Variants in RTN2 observed in about 807,000 individuals in gnomAD.
The protein encoded by RTN2 is reticulon 2.
A neutral mutation model predicts 63.7 loss-of-function variants in RTN2; 36 were observed. That is an observed-to-expected ratio of 0.56 (90% CI 0.43 to 0.75). The LOEUF (loss-of-function observed/expected upper bound fraction) is 0.75. RTN2 is among the 30% of genes least tolerant of loss of function. The pLI, the probability that RTN2 is intolerant of heterozygous loss-of-function variation, is 0.00. For synonymous variants in RTN2, 312 were observed against 313.0 expected (o/e 1.00, Z 0.03); for missense variants, 673 against 705.1 (o/e 0.95, Z 0.52).
At chr19:45,487,231 A>G (rs1017268362) in intron 9 of RTN2, among the ~76,000 whole-genome samples, 1 of 151,288 alleles carries the variant, frequency 6.6e-6, no homozygotes, top group Non-Finnish European at 1.5e-5. Flanking sequence ...TTTTGTAGAG[A>G]TGGGGGTCTT....
chr19:45,485,878 G>T, intron 10 of RTN2, 89 bp from the exon 11 acceptor site: 2 of 1,271,798 alleles, frequency 1.6e-6, no homozygotes, highest in African/African-American at 1.5e-5. Flanking sequence ...GTGGGAAACT[G>T]ACCAAGAGCC....
In RTN2 at chr19:45,485,424, T is replaced by G. The variant is rs890095914; in HGVS notation, c.*284A>C. ...GCCTCACGGCGCCTCCAGCGGCGGG[T>G]CCGGAAGTGCAGGGTGGTGCCCTGT... On this transcript the variant is annotated 3_prime_UTR_variant, in exon 11 of 11. Transcript: ENST00000245923. 82 of 403,546 alleles carry G rather than the reference T, an allele frequency of 2.0e-4. No homozygotes were observed. Among genetic ancestry groups the G allele is most frequent in the Middle Eastern group, 6.7e-4 (1 of 1,502 alleles). The allele number at this position is 403,546 out of a possible 1,614,324, so 25.0% of individuals were successfully genotyped here.
In RTN2 at chr19:45,493,169, C is replaced by T. The variant is rs1326280271; in HGVS notation, c.1024G>A (p.Gly342Arg). 6.2e-7 allele frequency: 1 copy of T among 1,611,926 alleles called. No homozygotes were observed. Among genetic ancestry groups the T allele is most frequent in the East Asian group, 2.2e-5 (1 of 44,876 alleles). ...VPSLSLGADM[G>R]SKVADLLYWK... ...CGTTCCGCAAGCCCACCTTTACTCC[C>T]CATATCGGCTCCGAGTGAGAGGCTG... is the stretch of plus-strand genomic sequence containing the variant. Residue 342 changes from glycine (G) to arginine (R), a missense_variant, in exon 5 of 11, where the codon GGG (glycine) becomes AGG (arginine). Transcript: ENST00000245923.
intron 4 of RTN2, 187 bp downstream of exon 4, chr19:45,493,979 C>G: frequency 1.1e-6 from 1 of 918,238 alleles, no homozygotes; most frequent in East Asian, 2.5e-5. Context: ...CATGAGCCAC[C>G]GCGCCCGGCC....
At chr19:45,496,736 A>T (rs1968280000) in intron 1 of RTN2, 56 bp downstream of exon 1, 1 of 1,245,954 alleles carries the variant, frequency 8.0e-7, no homozygotes, top group Admixed American at 3.1e-5. Context: ...GACACCGGGG[A>T]GTACCCCACC....
intron 1 of RTN2, 52 bp downstream of exon 1, chr19:45,496,740 C>T (rs1055557356): frequency 7.0e-5 from 92 of 1,315,692 alleles, no homozygotes; most frequent in Non-Finnish European, 9.2e-5. Flanking sequence ...CCGGGGAGTA[C>T]CCCACCTGAA....
At chr19:45,486,177 G>A (rs991674660) in intron 9 of RTN2, 64 bp from the exon 10 acceptor site, 2 of 1,462,906 alleles carry the variant, frequency 1.4e-6, no homozygotes, top group Admixed American at 1.7e-5. Flanking sequence ...AGTCACATAG[G>A]AGGCTGCTTC....
chr19:45,488,801 C>A (rs1251247385), intron 7 of RTN2, 47 bp downstream of exon 7: 2 of 1,595,840 alleles, frequency 1.3e-6, no homozygotes, highest in South Asian at 1.1e-5. Flanking sequence ...CCTAGCCATG[C>A]AGAGGTGAAT....
chr19:45,489,654 T>A, intron 5 of RTN2, 101 bp from the exon 6 acceptor site: 1 of 743,250 alleles, frequency 1.3e-6, no homozygotes, highest in Non-Finnish European at 2.2e-6. Flanking sequence ...TCGACACACC[T>A]GTTTGAGCAT....
In RTN2 at chr19:45,490,458, G is replaced by A. The variant is rs541832473; in HGVS notation, c.1034-905C>T. 1.2e-4 allele frequency among the ~76,000 whole-genome samples: 19 copies of A among 152,040 alleles called. 1 individual carries two copies. The highest frequency in any genetic ancestry group is 4.1e-4 in the African/African-American group (17 of 41,434). Reference sequence around the variant, plus strand: ...GGGCTGCAAGCAACATCCTCCAACAGATATTCTCACCTCCTGGAGTGACTA... The same window carrying A: ...GGGCTGCAAGCAACATCCTCCAACAAATATTCTCACCTCCTGGAGTGACTA... On this transcript the variant is annotated intron_variant, in intron 5 of 10. Transcript: ENST00000245923.
chr19:45,491,208 T>C lies in RTN2; in HGVS notation c.1034-1655A>G, dbSNP rs1441613128. ...CCCGGCCACATTTTTTTTTTTTTTA[T>C]TTTTAGAGGCAGAGTCTCACTCTGT... On this transcript the variant is annotated intron_variant, in intron 5 of 10. Coordinates refer to ENST00000245923, the MANE Select transcript of RTN2 (RefSeq NM_005619.5). Among the ~76,000 whole-genome samples the C allele has an allele frequency of 5.3e-5, 8 of 149,932 alleles. No homozygotes were observed. In the Admixed American group the frequency reaches 5.3e-4, roughly 10 times the overall value.
intron 1 of RTN2, among the ~76,000 whole-genome samples, chr19:45,495,762 G>A (rs748377492): frequency 2.6e-4 from 39 of 152,318 alleles, no homozygotes; most frequent in South Asian, 6.2e-4. Flanking sequence ...CTGAGGAACT[G>A]AGAGGTGCGA....
chr19:45,496,888 G>A lies in RTN2; in HGVS notation c.-63C>T. 1 of 1,127,634 alleles carries A rather than the reference G, an allele frequency of 8.9e-7. No homozygotes were observed. The highest frequency in any genetic ancestry group is 1.2e-6 in the Non-Finnish European group (1 of 843,498). The allele number at this position is 1,127,634 out of a possible 1,614,324, so 69.9% of individuals were successfully genotyped here. The stretch of plus-strand genomic sequence containing the variant: ...CCGGCTGTGCCGCCCTGGGCCCGGG[G>A]TCGCGGGCGCTCATCTCCGCCGCGC... On this transcript the variant is annotated 5_prime_UTR_variant, in exon 1 of 11. Coordinates refer to ENST00000245923, the MANE Select transcript of RTN2 (RefSeq NM_005619.5).
At chr19:45,496,541 C>A (rs1024147228) in intron 1 of RTN2, 20 of 356,706 alleles carry the variant, frequency 5.6e-5, no homozygotes, top group East Asian at 1.2e-4. Flanking sequence ...CCGGGCGGTA[C>A]GTCCCAGAGC....
chr19:45,488,669 G>C lies in RTN2; in HGVS notation c.1418C>G (p.Ala473Gly), dbSNP rs769986612. The change falls in exon 8 of 11, where the codon GCC becomes GGC. Residue 473 changes from alanine (A) to glycine (G), a missense_variant. By Grantham distance (60) the Ala-to-Gly change is moderately conservative. Coordinates refer to ENST00000245923, the MANE Select transcript of RTN2 (RefSeq NM_005619.5). ...LLFYILTFVGAIFNGLTLLIL... is the reference protein window; with the variant it reads ...LLFYILTFVGGIFNGLTLLIL... ...GAGAAGAGTCAAACCATTGAAGATG[G>C]CACCCACGAAGGTCAAGATGTAGAA... 5.6e-6 allele frequency: 9 copies of C among 1,613,836 alleles called. No individual in the cohort carries two copies. The highest frequency in any genetic ancestry group is 3.4e-6 in the Non-Finnish European group (4 of 1,179,956).
In RTN2 at chr19:45,494,417, A is replaced by G. The variant is rs559597401; in HGVS notation, c.563T>C (p.Leu188Pro). 1.2e-4 allele frequency: 192 copies of G among 1,611,872 alleles called. No homozygotes were observed. The South Asian group carries it at 1.9e-3, about 16-fold the overall frequency. The change falls in exon 4 of 11, where the codon CTG becomes CCG. Residue 188 changes from leucine (L) to proline (P), a missense_variant. Physicochemically the swap from Leu to Pro is moderately conservative, Grantham distance 98. Coordinates refer to ENST00000245923, the MANE Select transcript of RTN2 (RefSeq NM_005619.5). The surrounding 1 kb of genome is among the most constrained non-coding windows in gnomAD (Gnocchi z 5.3). ...CTGAGCAAGTCGGAGTCGTAGGTCC[A>G]GTTCTGATACGGTAGAGAGAGGAGG... is the stretch of plus-strand genomic sequence containing the variant. ...RLETGEAGEELDLRLRLAQPS... is the reference protein window; with the variant it reads ...RLETGEAGEEPDLRLRLAQPS...
chr19:45,485,625 TG>T lies in RTN2; in HGVS notation c.*82del. Reference sequence around the variant, plus strand: ...AAAAGGCTCGGGCCGAGGAGGGGGGTGGGTGGGAACGGACAAGAGATGGAGG... The same window carrying T: ...AAAAGGCTCGGGCCGAGGAGGGGGGTGGTGGGAACGGACAAGAGATGGAGG... On this transcript the variant is annotated 3_prime_UTR_variant, in exon 11 of 11. Transcript: ENST00000245923. 3 of 1,016,986 alleles carry T rather than the reference TG, an allele frequency of 2.9e-6. No individual in the cohort carries two copies. The highest frequency in any genetic ancestry group is 4.4e-6 in the Non-Finnish European group (3 of 683,196). The allele number at this position is 1,016,986 out of a possible 1,614,324, so 63.0% of individuals were successfully genotyped here. A position where few individuals can be genotyped will look rare whatever the true frequency, so the allele number is the denominator to read the frequency against.
In RTN2 at chr19:45,494,297, T is replaced by A; in HGVS notation, c.683A>T (p.Asn228Ile). The A allele has an allele frequency of 6.2e-7, 1 of 1,614,004 alleles. No individual in the cohort carries two copies. ...TPSPSRSRDS[N>I]SGPEEPLLEE... ...CAGCAATGGCTCTTCGGGCCCAGAGTTCGAATCTCGCGATCGGGATGGGGA... is the reference window on the plus strand; with the variant it reads ...CAGCAATGGCTCTTCGGGCCCAGAGATCGAATCTCGCGATCGGGATGGGGA... Residue 228 changes from asparagine to isoleucine, a missense_variant, in exon 4 of 11, where the codon AAC (asparagine) becomes ATC (isoleucine). Transcript: ENST00000245923. The surrounding 1 kb of genome is among the most constrained non-coding windows in gnomAD (Gnocchi z 5.3).
At chr19:45,496,766 C>G (rs749120475) in intron 1 of RTN2, 26 bp downstream of exon 1, 12 of 1,482,726 alleles carry the variant, frequency 8.1e-6, no homozygotes, top group Middle Eastern at 1.8e-4. Flanking sequence ...GGGGCCCACA[C>G]CAGGCCCCAG....
Sources: gnomAD v4.1 joint callset for allele counts (sites outside exome capture counted in the v4.1 genomes callset) on GRCh38, gnomAD v4.1.1 for gene constraint, Gnocchi (gnomAD v3.1) non-coding constraint, MANE v1.5 for transcripts, NCBI Gene and HGNC (gene_info 2026-07-23, HGNC 2026-07-21) for gene names.